Variants in KIF3A observed in about 807,000 individuals in gnomAD.
KIF3A encodes kinesin-like protein KIF3A.
KIF3A carries 27 observed loss-of-function variants against 92.6 expected under a neutral mutation model. The observed-to-expected ratio is 0.29, with a 90% CI of 0.21 to 0.40. KIF3A has a LOEUF of 0.40. KIF3A is among the 10% of genes least tolerant of loss of function. The pLI, the probability that KIF3A is intolerant of heterozygous loss-of-function variation, is 1.00. For missense variants in KIF3A, 581 were observed against 872.6 expected, an observed-to-expected ratio of 0.67 and a Z score of 4.21; for synonymous variants, 250 against 275.4, an observed-to-expected ratio of 0.91 and a Z score of 0.92.
At position 132,706,600 on chromosome 5, in the gene KIF3A, T is replaced by A. The variant is rs1581070818; in HGVS notation, c.1301-141A>T. On this transcript the variant is annotated intron_variant, in intron 10 of 18. Coordinates refer to ENST00000403231, the MANE Select transcript of KIF3A (RefSeq NM_001300791.2). ...ATTCATTTAAGTGTAGAAATAAAAA[T>A]CAAACCGTTATCAAAACTGAAATAG... is the stretch of plus-strand genomic sequence containing the variant. 3 of 590,792 alleles carry A rather than the reference T, an allele frequency of 5.1e-6. No homozygotes were observed. In the East Asian group the frequency reaches 1.0e-4, roughly 20 times the overall value. The allele number at this position is 590,792 out of a possible 1,614,324, so 36.6% of individuals were successfully genotyped here.
chr5:132,700,352 A>G (rs1323395247), intron 16 of KIF3A, 68 bp from the exon 17 acceptor site: 3 of 936,130 alleles, frequency 3.2e-6, no homozygotes, highest in Non-Finnish European at 5.0e-6. Flanking sequence ...AGTTAGGCAA[A>G]TAACTGAGAA....
intron 9 of KIF3A, among the ~76,000 whole-genome samples, chr5:132,709,854 C>T (rs952359558): frequency 3.3e-5 from 5 of 152,148 alleles, no homozygotes; most frequent in African/African-American, 7.2e-5. Flanking sequence ...AGCCAGCAGA[C>T]ATTTTGCCAA....
chr5:132,689,042 T>C (rs1752605562), downstream of KIF3A, among the ~76,000 whole-genome samples: 2 of 152,290 alleles, frequency 1.3e-5, no homozygotes, highest in African/African-American at 4.8e-5. Flanking sequence ...TAAAAGTCAC[T>C]TGAAGATTGG....
intron 2 of KIF3A, among the ~76,000 whole-genome samples, chr5:132,730,906 G>A (rs1754206937): frequency 6.6e-6 from 1 of 152,178 alleles, no homozygotes; most frequent in African/African-American, 2.4e-5. Context: ...AGGAAGTCGA[G>A]GCTGCAGTGA....
chr5:132,735,606 C>G (rs1021286886), intron 1 of KIF3A, among the ~76,000 whole-genome samples: 1 of 152,164 alleles, frequency 6.6e-6, no homozygotes, highest in Non-Finnish European at 1.5e-5. Context: ...TCCTATTCCT[C>G]TCATCTATTC....
At chr5:132,704,756 A>G (rs559293582) in intron 11 of KIF3A, among the ~76,000 whole-genome samples, 9 of 151,922 alleles carry the variant, frequency 5.9e-5, no homozygotes, top group Non-Finnish European at 1.0e-4. Flanking sequence ...AGTGTAAATC[A>G]TAAGAGTGTA....
At chr5:132,720,817 C>A in intron 4 of KIF3A, 103 bp from the exon 5 acceptor site, 2 of 640,478 alleles carry the variant, frequency 3.1e-6, no homozygotes, top group Admixed American at 3.0e-5. Flanking sequence ...AGGGAATATA[C>A]TGATAAGATA....
chr5:132,690,609 A>AAT (rs1752639074), downstream of KIF3A, among the ~76,000 whole-genome samples: 1 of 152,184 alleles, frequency 6.6e-6, no homozygotes, highest in Non-Finnish European at 1.5e-5. Flanking sequence ...TATATCTCAT[A>AAT]ATATAATTAT....
intron 18 of KIF3A, 27 bp downstream of exon 18, chr5:132,699,144 T>A: frequency 6.2e-7 from 1 of 1,610,412 alleles, no homozygotes; most frequent in East Asian, 2.2e-5. Flanking sequence ...ATGCCTTCGT[T>A]TTACCAGATT....
At chr5:132,711,096 C>G (rs200567840) in intron 8 of KIF3A, 39 bp from the exon 9 acceptor site, 2 of 1,588,484 alleles carry the variant, frequency 1.3e-6, no homozygotes, top group Non-Finnish European at 1.7e-6. Flanking sequence ...TTATCCTGTA[C>G]GAAGTCATTA....
At chr5:132,727,693 T>G (rs1458425901) in intron 2 of KIF3A, among the ~76,000 whole-genome samples, 1 of 152,190 alleles carries the variant, frequency 6.6e-6, no homozygotes, top group Non-Finnish European at 1.5e-5. Context: ...TAGAATGATT[T>G]TTCAATCAGA....
At chr5:132,727,308 A>G (rs549292557) in intron 2 of KIF3A, among the ~76,000 whole-genome samples, 1 of 152,340 alleles carries the variant, frequency 6.6e-6, no homozygotes, top group East Asian at 1.9e-4. Flanking sequence ...TATGATGTGT[A>G]TAATCTTGGG....
intron 17 of KIF3A, 178 bp from the exon 18 acceptor site, chr5:132,699,473 G>A: frequency 1.5e-6 from 1 of 674,450 alleles, no homozygotes; most frequent in Non-Finnish European, 2.6e-6. Context: ...AATAAAGGTT[G>A]GTGAGTAAGA....
chr5:132,728,745 C>CAATAAATAAATAAATAAATAAATA (rs3048989), intron 2 of KIF3A, among the ~76,000 whole-genome samples: 3 of 149,578 alleles, frequency 2.0e-5, no homozygotes, highest in Admixed American at 6.6e-5. Flanking sequence ...TCAAAAAATA[C>CAATAAATAAATAAATAAATAAATA]AATAAATAAA....
At chr5:132,711,993 A>G (rs989869386) in intron 8 of KIF3A, among the ~76,000 whole-genome samples, 1 of 152,238 alleles carries the variant, frequency 6.6e-6, no homozygotes, top group African/African-American at 2.4e-5. Context: ...GAAATGTCTA[A>G]CAAAATAAAA....
chr5:132,700,190 TTTTG>T (rs1752984426), intron 17 of KIF3A, 22 bp downstream of exon 17: 1 of 1,336,206 alleles, frequency 7.5e-7, no homozygotes, highest in Non-Finnish European at 1.0e-6. Context: ...TTGTGTTTTG[TTTTG>T]TTTTTTTTTA....
chr5:132,730,123 C>G (rs1239081191), intron 2 of KIF3A, among the ~76,000 whole-genome samples: 1 of 152,216 alleles, frequency 6.6e-6, no homozygotes, highest in Non-Finnish European at 1.5e-5. Context: ...AATTTGACAA[C>G]TTAGATGAAA....
chr5:132,714,600 T>C lies in KIF3A; in HGVS notation c.1129+1157A>G, dbSNP rs1339031148. On this transcript the variant is annotated intron_variant, in intron 8 of 18. Coordinates refer to ENST00000403231, the MANE Select transcript of KIF3A (RefSeq NM_001300791.2). Reference sequence around the variant, plus strand: ...TTCATAGAGACCGAAAGTAGAATAGTGGTTACCAGAGACTGGGGGAGAAAA... The same window carrying C: ...TTCATAGAGACCGAAAGTAGAATAGCGGTTACCAGAGACTGGGGGAGAAAA... Among the ~76,000 whole-genome samples the C allele has an allele frequency of 3.3e-5, 5 of 152,270 alleles. No individual in the cohort carries two copies. In the South Asian group the frequency reaches 6.2e-4, roughly 19 times the overall value.
chr5:132,700,195 T>G (rs771799509), intron 17 of KIF3A, 21 bp downstream of exon 17: 118 of 1,380,542 alleles, frequency 8.5e-5, no homozygotes, highest in East Asian at 6.2e-4. Flanking sequence ...TTTTGTTTTG[T>G]TTTTTTTTAA....
Sources: gnomAD v4.1 joint callset for allele counts (sites outside exome capture counted in the v4.1 genomes callset) on GRCh38, gnomAD v4.1.1 for gene constraint, MANE v1.5 for transcripts, NCBI Gene and HGNC (gene_info 2026-07-23, HGNC 2026-07-21) for gene names.